PTPRD: variants seen among roughly 807,000 people sequenced by gnomAD.
The protein encoded by PTPRD is protein tyrosine phosphatase receptor type D.
Under a neutral mutation model 214.5 loss-of-function variants are expected in PTPRD, and 34 were observed. That is an observed-to-expected ratio of 0.16 (90% CI 0.12 to 0.21). PTPRD has a LOEUF of 0.21. Ranked by LOEUF, PTPRD falls within the 10% of genes least tolerant of loss-of-function variation. The pLI is 1.00. For missense variants in PTPRD, 2,545 were observed against 2,398.7 expected (o/e 1.06, Z -1.27); for synonymous variants, 1,128 against 845.7 (o/e 1.33, Z -5.79).
At chr9:9,437,826 C>A (rs2144038210) in intron 8 of PTPRD, among the ~76,000 whole-genome samples, 1 of 152,252 alleles carries the variant, frequency 6.6e-6, no homozygotes, top group Non-Finnish European at 1.5e-5. Flanking sequence ...CTTGGCAAGT[C>A]TGTCAGTCAA....
At chr9:9,718,104 A>C (rs986705487) in intron 7 of PTPRD, among the ~76,000 whole-genome samples, 1 of 152,214 alleles carries the variant, frequency 6.6e-6, no homozygotes, top group Non-Finnish European at 1.5e-5. Flanking sequence ...TATATTTTAC[A>C]AATATCCTTC....
In PTPRD at chr9:9,102,698, C is replaced by T. The variant is rs150127174; in HGVS notation, c.-143+80606G>A. ...AAATATACAGACTACAATTGTTTTACGATGTGATCATTCACGGAGGTTACT... is the reference window on the plus strand; with the variant it reads ...AAATATACAGACTACAATTGTTTTATGATGTGATCATTCACGGAGGTTACT... On this transcript the variant is annotated intron_variant, in intron 10 of 45. Transcript: ENST00000381196. Among the ~76,000 whole-genome samples, 8 of 152,292 alleles carry T rather than the reference C, an allele frequency of 5.3e-5. No homozygotes were observed. The East Asian group carries it at 5.8e-4, about 11-fold the overall frequency.
At chr9:8,558,534 G>C (rs1408561107) in intron 14 of PTPRD, among the ~76,000 whole-genome samples, 3 of 152,182 alleles carry the variant, frequency 2.0e-5, no homozygotes, top group African/African-American at 7.2e-5. Flanking sequence ...TGCTCTGATG[G>C]AGAGAGCTCA....
chr9:9,536,058 A>G (rs1321478717), intron 8 of PTPRD, among the ~76,000 whole-genome samples: 2 of 152,090 alleles, frequency 1.3e-5, no homozygotes, highest in East Asian at 3.9e-4. Context: ...GGACAAGGAT[A>G]CTGGTTAGAT....
chr9:8,846,326 A>G (rs1051853194), intron 11 of PTPRD, among the ~76,000 whole-genome samples: 11 of 152,334 alleles, frequency 7.2e-5, no homozygotes, highest in African/African-American at 2.4e-4. Flanking sequence ...ATACTCAACG[A>G]TAACATCCCA....
In PTPRD at chr9:10,501,705, T is replaced by C. The variant is rs572681777; in HGVS notation, c.-600+110693A>G. Among the ~76,000 whole-genome samples, 15 of 152,128 alleles carry C rather than the reference T, an allele frequency of 9.9e-5. No individual in the cohort carries two copies. The South Asian group carries it at 2.9e-3, about 29-fold the overall frequency. ...TTCACTGATGTTTTCCTAGTACTGA[T>C]AGGGAACAAAATAAAGGGTAGGATA... On this transcript the variant is annotated intron_variant, in intron 2 of 45. Transcript: ENST00000381196.
chr9:8,460,648 A>C, intron 32 of PTPRD, 77 bp from the exon 33 acceptor site: 1 of 1,431,516 alleles, frequency 7.0e-7, no homozygotes. Context: ...AGAAGAAGCA[A>C]AAAATCCAGG....
intron 8 of PTPRD, among the ~76,000 whole-genome samples, chr9:9,430,690 G>C (rs191004297): frequency 2.1e-4 from 32 of 152,156 alleles, no homozygotes; most frequent in African/African-American, 7.7e-4. Context: ...GCATTGTACT[G>C]GTACCAAAAG....
intron 9 of PTPRD, among the ~76,000 whole-genome samples, chr9:9,381,212 A>C (rs893211091): frequency 2.0e-5 from 3 of 151,976 alleles, no homozygotes; most frequent in African/African-American, 7.2e-5. Flanking sequence ...TTGTTTTAAT[A>C]CTATTAAATT....
intron 3 of PTPRD, among the ~76,000 whole-genome samples, chr9:10,086,364 C>T (rs2098337839): frequency 1.3e-5 from 2 of 151,668 alleles, no homozygotes; most frequent in Non-Finnish European, 2.9e-5. Flanking sequence ...CCCAACTATC[C>T]TCTCCTTTTC....
intron 2 of PTPRD, among the ~76,000 whole-genome samples, chr9:10,395,183 T>A (rs1443287382): frequency 6.6e-6 from 1 of 151,514 alleles, no homozygotes; most frequent in East Asian, 2.0e-4. Context: ...ACATGTGCCA[T>A]GTTGGTGTGC....
In PTPRD at chr9:8,500,838, C is replaced by T. The variant is rs2136959944; in HGVS notation, c.2044G>A (p.Glu682Lys). 2.5e-6 allele frequency: 4 copies of T among 1,614,158 alleles called. No homozygotes were observed. Among genetic ancestry groups the T allele is most frequent in the Non-Finnish European group, 3.4e-6 (4 of 1,180,024 alleles). The change falls in exon 24 of 46, where the codon GAA (glutamate) becomes AAA (lysine). Residue 682 changes from glutamate to lysine, a missense_variant. Coordinates refer to ENST00000381196, the MANE Select transcript of PTPRD (RefSeq NM_002839.4). ...YLLEQLEKWT[E>K]YRITVTAHTD... ...TGGGCTGTCACAGTGATCCGGTATT[C>T]AGTCCATTTTTCCAGCTGTTCCAAA...
At chr9:9,025,051 T>C (rs1404480113) in intron 10 of PTPRD, among the ~76,000 whole-genome samples, 1 of 152,076 alleles carries the variant, frequency 6.6e-6, no homozygotes, top group Non-Finnish European at 1.5e-5. Flanking sequence ...CGTTGTTTAG[T>C]CCCTTGTAAA....
chr9:8,966,772 A>C (rs904759832), intron 11 of PTPRD, among the ~76,000 whole-genome samples: 1 of 152,160 alleles, frequency 6.6e-6, no homozygotes, highest in African/African-American at 2.4e-5. Flanking sequence ...CTATTGAACT[A>C]AAGAGCTTAT....
chr9:8,361,912 C>G (rs2078597672), intron 39 of PTPRD, among the ~76,000 whole-genome samples: 1 of 152,240 alleles, frequency 6.6e-6, no homozygotes, highest in Non-Finnish European at 1.5e-5. Flanking sequence ...CAGACCCACT[C>G]ACCTTCTTCC....
At chr9:10,329,261 C>A (rs1423805482) in intron 3 of PTPRD, among the ~76,000 whole-genome samples, 1 of 150,878 alleles carries the variant, frequency 6.6e-6, no homozygotes, top group Non-Finnish European at 1.5e-5. Flanking sequence ...TTTTTGTTTG[C>A]CTGTGTTACC....
chr9:9,098,670 C>T (rs1306919725), intron 10 of PTPRD, among the ~76,000 whole-genome samples: 1 of 151,816 alleles, frequency 6.6e-6, no homozygotes, highest in Non-Finnish European at 1.5e-5. Context: ...TATCATGTAC[C>T]CATCGACTTA....
At chr9:8,447,189 G>C (rs1716539371) in intron 34 of PTPRD, among the ~76,000 whole-genome samples, 1 of 152,132 alleles carries the variant, frequency 6.6e-6, no homozygotes, top group African/African-American at 2.4e-5. Flanking sequence ...TCCTTTTCTA[G>C]TCTCCTCCTC....
chr9:10,059,007 A>G (rs1310083935), intron 3 of PTPRD, among the ~76,000 whole-genome samples: 1 of 152,154 alleles, frequency 6.6e-6, no homozygotes, highest in South Asian at 2.1e-4. Flanking sequence ...ATATATAAAT[A>G]AATTCATTTA....
Sources: allele counts gnomAD v4.1 joint callset (sites outside exome capture counted in the v4.1 genomes callset), GRCh38; gene constraint gnomAD v4.1.1; transcripts MANE v1.5; gene names NCBI Gene and HGNC (gene_info 2026-07-23, HGNC 2026-07-21).